Variants in SRSF11 observed in about 807,000 individuals in gnomAD.
The protein encoded by SRSF11 is serine/arginine-rich splicing factor 11.
A neutral mutation model predicts 56.0 loss-of-function variants in SRSF11; 9 were observed. The ratio of observed to expected loss-of-function variants is 0.16; its 90% CI spans 0.10 to 0.28. The LOEUF (loss-of-function observed/expected upper bound fraction) is 0.28. Ranked by LOEUF, SRSF11 falls within the 10% of genes least tolerant of loss-of-function variation. The pLI is 1.00. For missense variants in SRSF11, 421 were observed against 600.7 expected, an observed-to-expected ratio of 0.70 and a Z score of 3.13; for synonymous variants, 222 against 215.3, an observed-to-expected ratio of 1.03 and a Z score of -0.27.
At chr1:70,208,138 T>C (rs554252266) in intron 1 of SRSF11, among the ~76,000 whole-genome samples, 7 of 152,312 alleles carry the variant, frequency 4.6e-5, no homozygotes, top group Admixed American at 1.3e-4. Context: ...AAGTTAAATA[T>C]TTCATTATTG....
intron 2 of SRSF11, chr1:70,231,557 T>C: frequency 9.2e-7 from 1 of 1,092,058 alleles, no homozygotes; most frequent in Non-Finnish European, 1.1e-6. Flanking sequence ...TAAAGCATTT[T>C]ACTGTACAGG....
chr1:70,215,315 A>C (rs1669914308), intron 1 of SRSF11, among the ~76,000 whole-genome samples: 1 of 152,244 alleles, frequency 6.6e-6, no homozygotes, highest in South Asian at 2.1e-4. Flanking sequence ...GAGTTTGCTC[A>C]ACCAAATTTC....
In SRSF11 at chr1:70,242,739, T is replaced by G. The variant is rs115582335; in HGVS notation, c.801-1945T>G. Reference sequence around the variant, plus strand: ...ATATGAACTAGTAAGTGTAGAAAAGTGACGGTAGTACATTCCCCTTTGAAA... The same window carrying G: ...ATATGAACTAGTAAGTGTAGAAAAGGGACGGTAGTACATTCCCCTTTGAAA... On this transcript the variant is annotated intron_variant, in intron 7 of 11. Transcript: ENST00000370949. Among the ~76,000 whole-genome samples, 581 of 152,330 alleles carry G rather than the reference T, an allele frequency of 3.8e-3. 5 individuals carry two copies. Among genetic ancestry groups the G allele is most frequent in the African/African-American group, 0.014 (568 of 41,574 alleles).
upstream of SRSF11, chr1:70,221,349 CCGCAAAGCATTGTGGGAG>C: frequency 2.4e-6 from 1 of 423,244 alleles, no homozygotes; most frequent in Non-Finnish European, 4.2e-6. Flanking sequence ...GCGCCCTGCG[CCGCAAAGCATTGTGGGAG>C]CTCGGGCCCG....
rs575795264 is a variant in SRSF11 at position 70,236,634 on chromosome 1, A to AT, written c.591-781dup. 3.9e-3 allele frequency among the ~76,000 whole-genome samples: 576 copies of AT among 148,078 alleles called. 4 individuals carry two copies. The highest frequency in any genetic ancestry group is 7.0e-3 in the Non-Finnish European group (469 of 66,700). ...CATGAGCCACCATGCCCGGCCTACA[A>AT]TTTTTTTTTTACATGTGTAAACCTG... On this transcript the variant is annotated intron_variant, in intron 5 of 11. Coordinates refer to ENST00000370949, the MANE Select transcript of SRSF11 (RefSeq NM_001350605.2).
rs1016088385 is a variant in SRSF11 at position 70,251,811 on chromosome 1, G to A, written c.*1006G>A. 2.0e-5 allele frequency: 3 copies of A among 152,484 alleles called. No individual in the cohort carries two copies. The highest frequency in any genetic ancestry group is 4.4e-5 in the Non-Finnish European group (3 of 67,982). 9.4% of individuals were successfully genotyped at this position (152,484 alleles called of 1,614,324 possible). Reference sequence around the variant, plus strand: ...ATAAAACCAATAAATTTGTGTTACTGCAGTAGTAATCTTATGCACACGGTG... The same window carrying A: ...ATAAAACCAATAAATTTGTGTTACTACAGTAGTAATCTTATGCACACGGTG... On this transcript the variant is annotated 3_prime_UTR_variant, in exon 12 of 12. Transcript: ENST00000370949.
At chr1:70,227,667 C>T (rs1477140630) in intron 1 of SRSF11, among the ~76,000 whole-genome samples, 1 of 152,168 alleles carries the variant, frequency 6.6e-6, no homozygotes, top group African/African-American at 2.4e-5. Context: ...TTGAAAAAAA[C>T]CCTGCTTCCT....
rs1676668215 is a variant in SRSF11, at chr1:70,246,042, A to G, written c.933-776A>G. The stretch of plus-strand genomic sequence containing the variant: ...AACCGAGGATGACCAGAGAAGGGAA[A>G]AAAATGAAATTGAGAATGCAGAATG... On this transcript the variant is annotated intron_variant, in intron 8 of 11. Coordinates refer to ENST00000370949, the MANE Select transcript of SRSF11 (RefSeq NM_001350605.2). Among the ~76,000 whole-genome samples, 15 of 152,184 alleles carry G rather than the reference A, an allele frequency of 9.9e-5. 1 individual carries two copies. Among genetic ancestry groups the G allele is most frequent in the Admixed American group, 9.8e-4 (15 of 15,282 alleles).
At chr1:70,206,587 G>A (rs1465270679) in intron 1 of SRSF11, among the ~76,000 whole-genome samples, 1 of 151,998 alleles carries the variant, frequency 6.6e-6, no homozygotes, top group African/African-American at 2.4e-5. Context: ...TATCCTGGGT[G>A]CTAGACTTTT....
Position 70,234,754 on chromosome 1 carries a change from C to T in SRSF11, c.506C>T (p.Ala169Val). The T allele has an allele frequency of 1.2e-6, 2 of 1,610,574 alleles. No individual in the cohort carries two copies. The highest frequency in any genetic ancestry group is 1.3e-5 in the African/African-American group (1 of 74,940). Reference protein sequence around the residue: ...GAPTLDPALAALGLPGANLNS... With the variant: ...GAPTLDPALAVLGLPGANLNS... ...CCTACTCTTGATCCTGCCCTTGCTGCACTTGGGCTTCCTGGAGCAAACTTG... is the reference window on the plus strand; with the variant it reads ...CCTACTCTTGATCCTGCCCTTGCTGTACTTGGGCTTCCTGGAGCAAACTTG... The change falls in exon 4 of 12, where the codon GCA becomes GTA. Residue 169 changes from alanine (A) to valine (V), a missense_variant. Physicochemically the swap from Ala to Val is moderately conservative, Grantham distance 64. Transcript: ENST00000370949.
intron 1 of SRSF11, among the ~76,000 whole-genome samples, chr1:70,226,150 C>T (rs954076927): frequency 2.6e-5 from 4 of 151,598 alleles, no homozygotes; most frequent in African/African-American, 7.3e-5. Flanking sequence ...GAGATCGTGC[C>T]ATTGCGCTCC....
In SRSF11 at chr1:70,250,028, C is replaced by T. The variant is rs201258859; in HGVS notation, c.1099C>T (p.Arg367Cys). ...TCGGTCTCCTAAAAGAAAATTGTCC[C>T]GCTCACCATCCCCTAGGAGGTAAGA... ...KPRSPKRKLS[R>C]SPSPRRHKKE... is the part of the protein sequence containing the mutation. The change falls in exon 10 of 12, where the codon CGC (arginine) becomes TGC (cysteine). Residue 367 changes from arginine to cysteine, a missense_variant. Transcript: ENST00000370949. 1.1e-5 allele frequency: 17 copies of T among 1,613,602 alleles called. No individual in the cohort carries two copies. In the East Asian group the frequency reaches 1.1e-4, roughly 11 times the overall value.
At chr1:70,248,632 A>G (rs1677281202) in intron 9 of SRSF11, 3 of 152,260 alleles carry the variant, frequency 2.0e-5, no homozygotes, top group South Asian at 4.1e-4. Flanking sequence ...GGAAGGTACT[A>G]CATATATTTT....
In SRSF11 at chr1:70,250,850, A is replaced by G. The variant is rs1218436538; in HGVS notation, c.*45A>G. ...CCAACTGTATACCTGCATCAGTGTC[A>G]TTCCTTTGTGTGATTTCTTAATGCT... On this transcript the variant is annotated 3_prime_UTR_variant, in exon 12 of 12. Coordinates refer to ENST00000370949, the MANE Select transcript of SRSF11 (RefSeq NM_001350605.2). The G allele has an allele frequency of 2.0e-6, 3 of 1,531,470 alleles. No individual in the cohort carries two copies. In the East Asian group the frequency reaches 6.8e-5, roughly 34 times the overall value. The allele number at this position is 1,531,470 out of a possible 1,614,324, so 94.9% of individuals were successfully genotyped here.
chr1:70,217,471 T>C (rs181964066), upstream of SRSF11, among the ~76,000 whole-genome samples: 434 of 152,318 alleles, frequency 2.8e-3, 2 homozygotes, highest in African/African-American at 9.6e-3. Context: ...TGTTTTTTTA[T>C]TGAAAGTCTG....
rs142972354 is a variant in SRSF11, at chr1:70,250,690, C to G, written c.1340C>G (p.Thr447Arg). 5.0e-6 allele frequency: 8 copies of G among 1,613,892 alleles called. No individual in the cohort carries two copies. Among genetic ancestry groups the G allele is most frequent in the Non-Finnish European group, 6.8e-6 (8 of 1,179,912 alleles). Residue 447 changes from threonine to arginine, a missense_variant, in exon 12 of 12, where the codon ACA becomes AGA. By Grantham distance (71) the Thr-to-Arg change is moderately conservative (BLOSUM62 -1). Around this residue, in one of 2 missense-constraint regions of SRSF11, gnomAD observed 253 missense variants for 305.8 expected, o/e 0.83. Coordinates refer to ENST00000370949, the MANE Select transcript of SRSF11 (RefSeq NM_001350605.2). ...EKKEEKKPIE[T>R]GSPKTKECSV... Reference sequence around the variant, plus strand: ...AAAGAAGAGAAGAAACCAATAGAAACAGGTTCCCCTAAAACAAAGGAATGT... The same window carrying G: ...AAAGAAGAGAAGAAACCAATAGAAAGAGGTTCCCCTAAAACAAAGGAATGT...
exon 1 of SRSF11, chr1:70,205,762 C>G (rs1032618727): frequency 1.1e-5 from 5 of 461,188 alleles, no homozygotes; most frequent in Non-Finnish European, 2.0e-5. Context: ...GCCTAGCGTC[C>G]TGGAATTACT....
chr1:70,224,823 G>C (rs1463344433), intron 1 of SRSF11, among the ~76,000 whole-genome samples: 1 of 152,146 alleles, frequency 6.6e-6, no homozygotes, highest in Non-Finnish European at 1.5e-5. Context: ...TTGTTAAACT[G>C]TTATTTTGAT....
chr1:70,206,800 T>C (rs1669074072), intron 1 of SRSF11, among the ~76,000 whole-genome samples: 1 of 152,114 alleles, frequency 6.6e-6, no homozygotes, highest in Non-Finnish European at 1.5e-5. Context: ...TTTGTTCTTA[T>C]TTCTGTGGAG....
Sources: allele counts gnomAD v4.1 joint callset (sites outside exome capture counted in the v4.1 genomes callset), GRCh38; gene constraint gnomAD v4.1.1; regional missense constraint gnomAD v4.1.1; transcripts MANE v1.5; gene names NCBI Gene and HGNC (gene_info 2026-07-23, HGNC 2026-07-21).